Variants in CCDC9B observed in about 807,000 individuals in gnomAD.
CCDC9B encodes coiled-coil domain-containing protein 9B.
In CCDC9B, 40 loss-of-function variants were observed where a neutral mutation model predicts 47.2. That is an observed-to-expected ratio of 0.85 (90% CI 0.66 to 1.10). The LOEUF (loss-of-function observed/expected upper bound fraction) is 1.10, where lower values mean the gene tolerates loss of function less well. Among genes scored for constraint, CCDC9B ranks in the 50% least tolerant of loss-of-function variants. The pLI, the probability that CCDC9B is intolerant of heterozygous loss-of-function variation, is 0.00. For synonymous variants in CCDC9B, 238 were observed against 250.7 expected (o/e 0.95, Z 0.48); for missense variants, 662 against 651.0 (o/e 1.02, Z -0.18).
chr15:40,336,861 A>G, intron 7 of CCDC9B, 48 bp from the exon 8 acceptor site: 4 of 1,544,028 alleles, frequency 2.6e-6, no homozygotes, highest in Non-Finnish European at 3.5e-6. Context: ...CAAAGGATCC[A>G]AAACAGGAAC....
In CCDC9B at chr15:40,338,878, C is replaced by A; in HGVS notation, c.257G>T (p.Trp86Leu). 6.2e-7 allele frequency: 1 copy of A among 1,614,218 alleles called. No individual in the cohort carries two copies. Among genetic ancestry groups the A allele is most frequent in the Non-Finnish European group, 8.5e-7 (1 of 1,180,028 alleles). Residue 86 changes from tryptophan to leucine, a missense_variant, in exon 4 of 11, where the codon TGG becomes TTG. Trp to Leu is a moderately conservative substitution (Grantham distance 61). Transcript: ENST00000397536. Reference sequence around the variant, plus strand: ...TCTGGGTCCACAGGTACCCCTTGCCCAGTTCCTGCTAACCACCCGCTTTTC... The same window carrying A: ...TCTGGGTCCACAGGTACCCCTTGCCAAGTTCCTGCTAACCACCCGCTTTTC... ...PGEKRVVSRN[W>L]ARGTCGPRVT... is the part of the protein sequence containing the mutation.
chr15:40,338,823 A>G lies in CCDC9B; in HGVS notation c.312T>C (p.Asp104=). 6.2e-7 allele frequency: 1 copy of G among 1,614,040 alleles called. No individual in the cohort carries two copies. Among genetic ancestry groups the G allele is most frequent in the Non-Finnish European group, 8.5e-7 (1 of 1,179,982 alleles). ...AGAAAGTACCCCCGTGGTCCTCAGC[A>G]TCCTCATCCTCAAGCATCTCGTTGG... The part of the protein sequence containing the change: ...RVTNEMLEDE[D]AEDHGGTFCL... Residue 104 remains aspartate (D), a synonymous_variant, in exon 4 of 11, where the codon GAT becomes GAC. Coordinates refer to ENST00000397536, the MANE Select transcript of CCDC9B (RefSeq NM_207380.3).
chr15:40,334,910 A>G lies in CCDC9B; in HGVS notation c.*248T>C. ...GGTGCACCAGCCTCAGATGCCAGAT[A>G]CTAGTACAGGAATACACCAGGGGCT... On this transcript the variant is annotated 3_prime_UTR_variant, in exon 11 of 11. Transcript: ENST00000397536. 2.7e-6 allele frequency: 1 copy of G among 363,986 alleles called. No individual in the cohort carries two copies. Among genetic ancestry groups the G allele is most frequent in the Non-Finnish European group, 4.9e-6 (1 of 202,618 alleles). 22.5% of individuals were successfully genotyped at this position (363,986 alleles called of 1,614,324 possible). A position where few individuals can be genotyped will look rare whatever the true frequency, so the allele number is the denominator to read the frequency against.
At position 40,336,656 on chromosome 15, in the gene CCDC9B, C is replaced by T. The variant is rs138396559; in HGVS notation, c.805G>A (p.Gly269Arg). 8,082 of 1,612,090 alleles carry T rather than the reference C, an allele frequency of 5.0e-3. 41 individuals are homozygous for T. Among genetic ancestry groups the T allele is most frequent in the Middle Eastern group, 0.011 (67 of 5,984 alleles). The change falls in exon 9 of 11, where the codon GGG (glycine) becomes AGG (arginine). Residue 269 changes from glycine to arginine, a missense_variant. Coordinates refer to ENST00000397536, the MANE Select transcript of CCDC9B (RefSeq NM_207380.3). Reference protein sequence around the residue: ...PLLPDGKGRGGQASRPSVAPA... With the variant: ...PLLPDGKGRGRQASRPSVAPA... ...GCCACCGAGGGTCTGCTGGCTTGCC[C>T]GCCCCGACCTGCAAGAGATGGTCGG...
chr15:40,337,555 A>G, intron 6 of CCDC9B, 109 bp from the exon 7 acceptor site: 2 of 1,204,614 alleles, frequency 1.7e-6, no homozygotes, highest in East Asian at 2.5e-5. Context: ...CAGCAGGGAG[A>G]TGGTGGGCCC....
At chr15:40,340,714 G>T in intron 1 of CCDC9B, 94 bp downstream of exon 1, 1 of 1,217,302 alleles carries the variant, frequency 8.2e-7, no homozygotes, top group Non-Finnish European at 1.1e-6. Flanking sequence ...CCCAGCCCCA[G>T]CTGTCCCCAG....
rs758153228 is a variant in CCDC9B at position 40,336,829 on chromosome 15, G to T, written c.743-16C>A. The T allele has an allele frequency of 1.3e-6, 2 of 1,589,932 alleles. No homozygotes were observed. Among genetic ancestry groups the T allele is most frequent in the Non-Finnish European group, 1.7e-6 (2 of 1,172,900 alleles). On this transcript the variant is annotated splice_polypyrimidine_tract_variant and intron_variant, in intron 7 of 10. Transcript: ENST00000397536. ...CTCCTGGGACCTGCGGGGGACAAAA[G>T]AAGTGGGGAAAGGTGGGGTGACAAA... is the stretch of plus-strand genomic sequence containing the variant.
intron 9 of CCDC9B, 162 bp from the exon 10 acceptor site, chr15:40,335,988 G>T: frequency 1.0e-6 from 1 of 985,360 alleles, no homozygotes; most frequent in Non-Finnish European, 1.2e-6. Context: ...AATCCCAGGG[G>T]TGACCCAGAC....
chr15:40,339,796 G>A, intron 2 of CCDC9B, 109 bp downstream of exon 2: 1 of 1,398,058 alleles, frequency 7.2e-7, no homozygotes, highest in South Asian at 1.3e-5. Flanking sequence ...CCCTACCCCT[G>A]GCCCCAGCCC....
In CCDC9B at chr15:40,337,724, G is replaced by A. The variant is rs758810573; in HGVS notation, c.683C>T (p.Thr228Met). 8.2e-6 allele frequency: 13 copies of A among 1,591,166 alleles called. No individual in the cohort carries two copies. The Admixed American group carries it at 1.0e-4, about 13-fold the overall frequency. The change falls in exon 6 of 11, where the codon ACG becomes ATG. Residue 228 changes from threonine (T) to methionine (M), a missense_variant and splice_region_variant. By Grantham distance (81) the Thr-to-Met change is moderately conservative. Transcript: ENST00000397536. ...RPWDLDKAKS[T>M]LQDCSQLRGE... ...CAACCTGCCCAACCCAGCCACCCAC[G>A]TGGACTTGGCCTTGTCCAGGTCCCA... is the stretch of plus-strand genomic sequence containing the variant.
chr15:40,340,609 A>T, intron 1 of CCDC9B, 199 bp downstream of exon 1: 1 of 595,562 alleles, frequency 1.7e-6, no homozygotes, highest in Non-Finnish European at 2.9e-6. Context: ...CCCAGGAGTC[A>T]CCCTGGGCAA....
intron 3 of CCDC9B, 130 bp from the exon 4 acceptor site, chr15:40,339,033 T>G (rs1889030038): frequency 9.8e-7 from 1 of 1,023,416 alleles, no homozygotes; most frequent in African/African-American, 1.6e-5. Context: ...AAGAGCTGAC[T>G]CCCACAGGGT....
intron 9 of CCDC9B, 96 bp from the exon 10 acceptor site, chr15:40,335,922 G>T: frequency 6.5e-7 from 1 of 1,545,468 alleles, no homozygotes. Flanking sequence ...TTGAGAGCCA[G>T]TGAGGAAGGC....
At chr15:40,337,623 G>T in intron 6 of CCDC9B, 101 bp downstream of exon 6, 1 of 1,357,812 alleles carries the variant, frequency 7.4e-7, no homozygotes, top group Non-Finnish European at 9.9e-7. Context: ...TGCCCAGCAA[G>T]GTCCTCTCAA....
chr15:40,340,757 G>A (rs1158092117), intron 1 of CCDC9B, 51 bp downstream of exon 1: 2 of 1,557,744 alleles, frequency 1.3e-6, no homozygotes, highest in South Asian at 1.2e-5. Context: ...TGGTATCCCA[G>A]CCCCCTCCCA....
chr15:40,338,508 T>C, intron 5 of CCDC9B, 27 bp downstream of exon 5: 1 of 1,608,122 alleles, frequency 6.2e-7, no homozygotes, highest in Non-Finnish European at 8.5e-7. Context: ...TTCAGATCCA[T>C]GTCCCCATCC....
chr15:40,340,304 A>G, intron 1 of CCDC9B: 1 of 437,898 alleles, frequency 2.3e-6, no homozygotes. Context: ...AGGGAGCTTC[A>G]CTGCCGAGCA....
chr15:40,339,405 C>T, intron 3 of CCDC9B, 107 bp downstream of exon 3: 1 of 1,239,922 alleles, frequency 8.1e-7, no homozygotes, highest in Non-Finnish European at 1.2e-6. Context: ...GCAGGTGCAC[C>T]CCAGAATAGT....
At position 40,332,863 on chromosome 15, in the gene CCDC9B, G is replaced by A. The variant is rs1359103630; in HGVS notation, c.*2295C>T. The A allele has an allele frequency of 6.6e-6, 1 of 152,190 alleles. No individual in the cohort carries two copies. The highest frequency in any genetic ancestry group is 1.5e-5 in the Non-Finnish European group (1 of 68,040). The allele number at this position is 152,190 out of a possible 1,614,324, so 9.4% of individuals were successfully genotyped here. A position where few individuals can be genotyped will look rare whatever the true frequency, so the allele number is the denominator to read the frequency against. On this transcript the variant is annotated 3_prime_UTR_variant, in exon 11 of 11. Coordinates refer to ENST00000397536, the MANE Select transcript of CCDC9B (RefSeq NM_207380.3). ...ATGTTCTTGTGACTAGAAGGCAAGA[G>A]AAAAACTTGAGCTTGGAGTCTTTGC... is the stretch of plus-strand genomic sequence containing the variant.
Sources: gnomAD v4.1 joint callset for allele counts on GRCh38, gnomAD v4.1.1 for gene constraint, MANE v1.5 for transcripts, NCBI Gene and HGNC (gene_info 2026-07-23, HGNC 2026-07-21) for gene names.